SPTLC3: variants seen among roughly 807,000 people sequenced by gnomAD.
SPTLC3 encodes serine palmitoyltransferase 3.
In SPTLC3, 36 loss-of-function variants were observed where a neutral mutation model predicts 59.3. That is an observed-to-expected ratio of 0.61 (90% CI 0.47 to 0.80). The LOEUF (loss-of-function observed/expected upper bound fraction) is 0.80, where lower values mean the gene tolerates loss of function less well. Ranked by LOEUF, SPTLC3 falls within the 30% of genes least tolerant of loss-of-function variation. The pLI is 0.00. For synonymous variants in SPTLC3, 257 were observed against 240.8 expected (o/e 1.07, Z -0.62); for missense variants, 625 against 685.1 (o/e 0.91, Z 0.98).
chr20:13,087,960 G>A lies in SPTLC3; in HGVS notation c.608-3123G>A, dbSNP rs183427959. Among the ~76,000 whole-genome samples, 583 of 152,258 alleles carry A rather than the reference G, an allele frequency of 3.8e-3. 3 individuals are homozygous for A. Among genetic ancestry groups the A allele is most frequent in the African/African-American group, 0.013 (552 of 41,550 alleles). ...TGGAGGAAATAGTACGTGCAACATC[G>A]GGAAAGCCTAAAATGGCATTTTTCT... On this transcript the variant is annotated intron_variant, in intron 4 of 11. Coordinates refer to ENST00000399002, the MANE Select transcript of SPTLC3 (RefSeq NM_018327.4).
intron 11 of SPTLC3, among the ~76,000 whole-genome samples, chr20:13,162,102 A>G (rs2038906029): frequency 6.6e-6 from 1 of 152,238 alleles, no homozygotes; most frequent in Non-Finnish European, 1.5e-5. Context: ...AAGAAAAGAC[A>G]GGCAAAACTT....
rs542281417 is a variant in SPTLC3, at chr20:13,126,609, C to T, written c.1171C>T (p.Arg391Trp). The T allele has an allele frequency of 2.3e-5, 37 of 1,613,484 alleles. No homozygotes were observed. The highest frequency in any genetic ancestry group is 4.5e-5 in the East Asian group (2 of 44,888). Residue 391 changes from arginine to tryptophan, a missense_variant, in exon 9 of 12, where the codon CGG (arginine) becomes TGG (tryptophan). By Grantham distance (101) the Arg-to-Trp change is moderately radical. Transcript: ENST00000399002. ...AGRKDLVDYL[R>W]VHSHSAVYAS... ...ATTTAAGGACCTCGTGGATTATTTA[C>T]GGGTTCACTCGCATAGTGCTGTTTA...
chr20:13,082,434 TAC>T (rs1988870570), intron 4 of SPTLC3, among the ~76,000 whole-genome samples: 2 of 151,896 alleles, frequency 1.3e-5, no homozygotes, highest in African/African-American at 4.8e-5. Flanking sequence ...CCTGTTTTTG[TAC>T]AGTTTTAAAT....
intron 7 of SPTLC3, among the ~76,000 whole-genome samples, chr20:13,114,604 T>C (rs1409765953): frequency 6.6e-6 from 1 of 152,236 alleles, no homozygotes; most frequent in Non-Finnish European, 1.5e-5. Flanking sequence ...CTCAAAATAA[T>C]GTAAATTTAA....
chr20:13,051,773 A>G (rs1987501916), intron 2 of SPTLC3, among the ~76,000 whole-genome samples: 1 of 152,136 alleles, frequency 6.6e-6, no homozygotes, highest in South Asian at 2.1e-4. Flanking sequence ...CTGGAAATCA[A>G]CTCCAAAAGG....
chr20:13,069,546 T>C (rs1988361511), intron 2 of SPTLC3, among the ~76,000 whole-genome samples: 1 of 152,066 alleles, frequency 6.6e-6, no homozygotes, highest in Non-Finnish European at 1.5e-5. Flanking sequence ...TGCACTCCTA[T>C]GAGAATCTCA....
At chr20:13,060,364 G>C (rs1987911859) in intron 2 of SPTLC3, among the ~76,000 whole-genome samples, 1 of 145,872 alleles carries the variant, frequency 6.9e-6, no homozygotes, top group African/African-American at 2.5e-5. Context: ...TGTAGGAGAA[G>C]GCAAGAGCTA....
chr20:13,133,317 G>A (rs1195212641), intron 9 of SPTLC3, among the ~76,000 whole-genome samples: 1 of 152,134 alleles, frequency 6.6e-6, no homozygotes, highest in African/African-American at 2.4e-5. Flanking sequence ...CAAGCCCCAG[G>A]TGCTGCTGCT....
chr20:13,116,990 A>G (rs1022528129), intron 7 of SPTLC3, among the ~76,000 whole-genome samples: 1 of 152,192 alleles, frequency 6.6e-6, no homozygotes, highest in African/African-American at 2.4e-5. Context: ...GGTCTCAAAG[A>G]CTTCCTATTT....
At chr20:13,077,898 C>T (rs1007203803) in intron 4 of SPTLC3, among the ~76,000 whole-genome samples, 2 of 151,600 alleles carry the variant, frequency 1.3e-5, no homozygotes, top group African/African-American at 4.8e-5. Flanking sequence ...CCTCCTGCCT[C>T]AGCCCCCAAA....
In SPTLC3 at chr20:13,117,493, C is replaced by T. The variant is rs767169056; in HGVS notation, c.933-13C>T. On this transcript the variant is annotated splice_polypyrimidine_tract_variant and intron_variant, in intron 7 of 11. Transcript: ENST00000399002. ...GTATTTGTTAGTTATGAGCATTTCT[C>T]CTTCTGCCCTAGCATGGAAGGTTCC... is the stretch of plus-strand genomic sequence containing the variant. 3 of 1,561,460 alleles carry T rather than the reference C, an allele frequency of 1.9e-6. No homozygotes were observed. Among genetic ancestry groups the T allele is most frequent in the Admixed American group, 1.9e-5 (1 of 51,588 alleles).
rs186288492 is a variant in SPTLC3 at position 13,091,506 on chromosome 20, G to A, written c.732+299G>A. Reference sequence around the variant, plus strand: ...GAGAATTGCTTGAACCCAGGAAGTGGAGGTTGCAATGAGCCGAGATCGGGC... The same window carrying A: ...GAGAATTGCTTGAACCCAGGAAGTGAAGGTTGCAATGAGCCGAGATCGGGC... On this transcript the variant is annotated intron_variant, in intron 5 of 11. Coordinates refer to ENST00000399002, the MANE Select transcript of SPTLC3 (RefSeq NM_018327.4). Among the ~76,000 whole-genome samples the A allele has an allele frequency of 1.5e-3, 230 of 151,914 alleles. 3 individuals carry two copies. Among genetic ancestry groups the A allele is most frequent in the Admixed American group, 0.013 (203 of 15,244 alleles).
intron 9 of SPTLC3, among the ~76,000 whole-genome samples, chr20:13,151,846 C>G (rs1332858007): frequency 2.6e-5 from 4 of 152,108 alleles, no homozygotes; most frequent in Non-Finnish European, 4.4e-5. Context: ...GGACACAGCC[C>G]TTCAGGACCT....
intron 6 of SPTLC3, among the ~76,000 whole-genome samples, chr20:13,108,815 G>A (rs1990059022): frequency 6.6e-6 from 1 of 152,104 alleles, no homozygotes; most frequent in African/African-American, 2.4e-5. Context: ...ATTTAGCTTT[G>A]CTAGATGTCA....
intron 1 of SPTLC3, among the ~76,000 whole-genome samples, chr20:13,013,341 A>G (rs1985353960): frequency 6.6e-6 from 1 of 152,210 alleles, no homozygotes; most frequent in Non-Finnish European, 1.5e-5. Flanking sequence ...AATTGCAAAC[A>G]GTGGTAGCTG....
intron 8 of SPTLC3, among the ~76,000 whole-genome samples, chr20:13,125,738 A>G (rs2037973433): frequency 6.6e-6 from 1 of 152,178 alleles, no homozygotes; most frequent in South Asian, 2.1e-4. Context: ...TAGCAGCTGG[A>G]GAGAGTTCTG....
At chr20:13,051,875 A>T (rs6041809) in intron 2 of SPTLC3, among the ~76,000 whole-genome samples, 132,612 of 152,118 alleles carry the variant, frequency 0.87, 57,864 homozygotes, top group East Asian at 0.92. Flanking sequence ...GAAATTAAAA[A>T]GTTCTTTGAA....
chr20:13,031,615 A>T (rs1010356036), intron 1 of SPTLC3, among the ~76,000 whole-genome samples: 1 of 152,130 alleles, frequency 6.6e-6, no homozygotes, highest in Non-Finnish European at 1.5e-5. Context: ...TCTATTTTGC[A>T]CATGGTTTCT....
chr20:13,144,056 T>C (rs1333759103), intron 9 of SPTLC3, among the ~76,000 whole-genome samples: 1 of 152,142 alleles, frequency 6.6e-6, no homozygotes, highest in Non-Finnish European at 1.5e-5. Flanking sequence ...CATCAAAAAA[T>C]TGTGACTCTC....
Sources: gnomAD v4.1 joint callset for allele counts (sites outside exome capture counted in the v4.1 genomes callset) on GRCh38, gnomAD v4.1.1 for gene constraint, MANE v1.5 for transcripts, NCBI Gene and HGNC (gene_info 2026-07-23, HGNC 2026-07-21) for gene names.